The following RBL2 variants were observed in gnomAD, a reference collection of about 807,000 sequenced individuals.
The protein encoded by RBL2 is retinoblastoma-like protein 2.
A neutral mutation model predicts 126.0 loss-of-function variants in RBL2; 56 were observed. The observed-to-expected ratio is 0.44, with a 90% CI of 0.36 to 0.56. RBL2 has a LOEUF of 0.56. RBL2 is among the 20% of genes least tolerant of loss of function. RBL2 has a pLI of 0.00. For missense variants in RBL2, 1,229 were observed against 1,398.2 expected, an observed-to-expected ratio of 0.88 and a Z score of 1.93; for synonymous variants, 454 against 478.5, an observed-to-expected ratio of 0.95 and a Z score of 0.67.
intron 12 of RBL2, chr16:53,464,616 A>AT: frequency 3.5e-6 from 1 of 289,786 alleles, no homozygotes; most frequent in Non-Finnish European, 6.2e-6. Flanking sequence ...GAATACTGTG[A>AT]TTTTTATGAG....
intron 17 of RBL2, among the ~76,000 whole-genome samples, chr16:53,478,393 A>G (rs754707535): frequency 6.6e-6 from 1 of 151,952 alleles, no homozygotes; most frequent in Admixed American, 6.6e-5. Context: ...TTCTTTGAAC[A>G]TTTTTTTCTG....
intron 4 of RBL2, among the ~76,000 whole-genome samples, chr16:53,448,591 C>G (rs573082121): frequency 6.6e-6 from 1 of 152,292 alleles, no homozygotes; most frequent in South Asian, 2.1e-4. Context: ...TCAAGTGATT[C>G]TTGTGGCTCA....
At position 53,434,788 on chromosome 16, in the gene RBL2, A is replaced by G. The variant is rs1385720622; in HGVS notation, c.232A>G (p.Thr78Ala). The G allele has an allele frequency of 1.5e-5, 23 of 1,499,202 alleles. No individual in the cohort carries two copies. Among genetic ancestry groups the G allele is most frequent in the South Asian group, 7.3e-5 (6 of 81,830 alleles). The allele number at this position is 1,499,202 out of a possible 1,614,324, so 92.9% of individuals were successfully genotyped here. The change falls in exon 1 of 22, where the codon ACG becomes GCG. Residue 78 changes from threonine to alanine, a missense_variant. Transcript: ENST00000262133. ...DSYRSMSESYTLEGNDLHWLA... is the reference protein window; with the variant it reads ...DSYRSMSESYALEGNDLHWLA... ...CTACCGCAGCATGAGCGAAAGCTAC[A>G]CGCTGGAGGTGCGCTCGCGGGCGGA...
intron 3 of RBL2, among the ~76,000 whole-genome samples, chr16:53,446,800 A>C (rs2058066584): frequency 6.6e-6 from 1 of 152,214 alleles, no homozygotes; most frequent in Non-Finnish European, 1.5e-5. Flanking sequence ...TCTTGCCCTC[A>C]AAAAACTTTA....
intron 2 of RBL2, among the ~76,000 whole-genome samples, chr16:53,441,184 T>G (rs373588016): frequency 2.5e-4 from 38 of 152,182 alleles, no homozygotes; most frequent in African/African-American, 8.9e-4. Context: ...AGTCTCGAAC[T>G]CCTGACCTCA....
chr16:53,477,917 G>A (rs998345007), intron 17 of RBL2, among the ~76,000 whole-genome samples: 1 of 152,130 alleles, frequency 6.6e-6, no homozygotes, highest in African/African-American at 2.4e-5. Flanking sequence ...CATGTGTAGT[G>A]TTGTCCAGGG....
rs575030174 is a variant in RBL2 at position 53,441,051 on chromosome 16, C to G, written c.372-1607C>G. On this transcript the variant is annotated intron_variant, in intron 2 of 21. Transcript: ENST00000262133. ...CTCTACTCACTGCAACCTCCACTTC[C>G]CAGGTTCAGGTGATTCTCATGCTTC... Among the ~76,000 whole-genome samples the G allele has an allele frequency of 3.1e-4, 45 of 143,538 alleles. 1 individual carries two copies. In the South Asian group the frequency reaches 8.5e-3, roughly 27 times the overall value. 94.2% of individuals were successfully genotyped at this position (143,538 alleles called of 152,430 possible). A position where few individuals can be genotyped will look rare whatever the true frequency, so the allele number is the denominator to read the frequency against.
intron 17 of RBL2, among the ~76,000 whole-genome samples, chr16:53,473,899 G>A (rs545384625): frequency 4.6e-5 from 7 of 151,950 alleles, no homozygotes; most frequent in South Asian, 2.1e-4. Context: ...TGAGATGATC[G>A]TGTGCTTATT....
Position 53,453,759 on chromosome 16 carries a change from G to T in RBL2, c.982G>T (p.Gly328Ter). The part of the protein sequence containing the change: ...LTGFLEPGNF[G>*]ESFKAINKAY... Reference sequence around the variant, plus strand: ...TGGGTTTCTAGAACCTGGGAACTTTGGAGAGAGTTTGTGAGTACTTCTGTA... The same window carrying T: ...TGGGTTTCTAGAACCTGGGAACTTTTGAGAGAGTTTGTGAGTACTTCTGTA... Residue 328 changes from glycine (G) to a stop codon, truncating the protein, a stop_gained, in exon 7 of 22, where the codon GGA becomes TGA. Transcript: ENST00000262133. LOFTEE classifies it high-confidence loss of function. 2 of 1,607,302 alleles carry T rather than the reference G, an allele frequency of 1.2e-6. No individual in the cohort carries two copies. Among genetic ancestry groups the T allele is most frequent in the Non-Finnish European group, 1.7e-6 (2 of 1,176,304 alleles).
chr16:53,442,425 T>C (rs946262342), intron 2 of RBL2, among the ~76,000 whole-genome samples: 1 of 152,236 alleles, frequency 6.6e-6, no homozygotes, highest in Admixed American at 6.5e-5. Flanking sequence ...TTTTCAAATA[T>C]TTCATAGTTA....
At chr16:53,472,299 A>G (rs1323601063) in intron 17 of RBL2, among the ~76,000 whole-genome samples, 1 of 152,198 alleles carries the variant, frequency 6.6e-6, no homozygotes, top group Non-Finnish European at 1.5e-5. Flanking sequence ...CTGCAGGGTC[A>G]TATGGTGATA....
intron 21 of RBL2, chr16:53,488,892 A>G (rs539972087): frequency 6.6e-6 from 1 of 152,326 alleles, no homozygotes; most frequent in Non-Finnish European, 1.5e-5. Context: ...GGGGCTAGAA[A>G]AAGAATTGAA....
chr16:53,447,961 T>C, intron 4 of RBL2, among the ~76,000 whole-genome samples: 1 of 152,108 alleles, frequency 6.6e-6, no homozygotes, highest in Non-Finnish European at 1.5e-5. Flanking sequence ...TATATTTCTA[T>C]GTAGAAACAA....
intron 2 of RBL2, among the ~76,000 whole-genome samples, 198 bp downstream of exon 2, chr16:53,439,344 G>A (rs2057992049): frequency 6.6e-6 from 1 of 151,890 alleles, no homozygotes; most frequent in Non-Finnish European, 1.5e-5. Flanking sequence ...TACTTCTTTG[G>A]TGAAAATATT....
chr16:53,470,475 C>G lies in RBL2; in HGVS notation c.2338C>G (p.Leu780Val). The G allele has an allele frequency of 1.9e-6, 3 of 1,614,198 alleles. No homozygotes were observed. Among genetic ancestry groups the G allele is most frequent in the Non-Finnish European group, 2.5e-6 (3 of 1,180,038 alleles). Residue 780 changes from leucine (L) to valine (V), a missense_variant, in exon 16 of 22, where the codon CTC becomes GTC. Physicochemically the swap from Leu to Val is conservative, Grantham distance 32 (BLOSUM62 1). This residue lies in a region of RBL2 where 1,070 missense variants were observed against 1,274.3 expected (regional missense o/e 0.84). Coordinates refer to ENST00000262133, the MANE Select transcript of RBL2 (RefSeq NM_005611.4). ...AQAVTGSIQP[L>V]SAQALAGSLS... ...AGCTGTGACAGGCTCCATCCAGCCC[C>G]TCAGTGCTCAGGCCCTGGCTGGAAG... is the stretch of plus-strand genomic sequence containing the variant.
At chr16:53,477,084 G>T (rs1209957508) in intron 17 of RBL2, among the ~76,000 whole-genome samples, 2 of 140,286 alleles carry the variant, frequency 1.4e-5, no homozygotes, top group Non-Finnish European at 3.1e-5. Context: ...TGTGTGTGTA[G>T]TGGTTGCCCT....
chr16:53,487,994 AC>A (rs1961241685), intron 21 of RBL2: 1 of 152,254 alleles, frequency 6.6e-6, no homozygotes, highest in South Asian at 2.1e-4. Flanking sequence ...TGGCATCGCC[AC>A]TGTGGAAAGT....
At chr16:53,466,952 A>T in intron 13 of RBL2, 106 bp from the exon 14 acceptor site, 1 of 776,718 alleles carries the variant, frequency 1.3e-6, no homozygotes, top group Non-Finnish European at 2.1e-6. Context: ...GATTTTATTT[A>T]GATGGAATAA....
At chr16:53,451,555 CA>C in intron 4 of RBL2, 147 bp from the exon 5 acceptor site, 1 of 766,988 alleles carries the variant, frequency 1.3e-6, no homozygotes, top group Non-Finnish European at 2.0e-6. Context: ...AGTAATATGT[CA>C]AAATGTAAAT....
Sources: allele counts gnomAD v4.1 joint callset (sites outside exome capture counted in the v4.1 genomes callset), GRCh38; gene constraint gnomAD v4.1.1; regional missense constraint gnomAD v4.1.1; transcripts MANE v1.5; gene names NCBI Gene and HGNC (gene_info 2026-07-23, HGNC 2026-07-21).